Variants in PXK observed in about 807,000 individuals in gnomAD.
PXK encodes PX domain containing serine/threonine kinase like.
In PXK, 35 loss-of-function variants were observed where a neutral mutation model predicts 84.7. The observed-to-expected ratio is 0.41, with a 90% CI of 0.32 to 0.55. The LOEUF (loss-of-function observed/expected upper bound fraction) is 0.55. Among genes scored for constraint, PXK ranks in the 20% least tolerant of loss-of-function variants. The pLI is 0.21. For missense variants in PXK, 634 were observed against 699.7 expected (o/e 0.91, Z 1.06); for synonymous variants, 253 against 260.8 (o/e 0.97, Z 0.29).
intron 13 of PXK, 39 bp downstream of exon 13, chr3:58,403,949 C>G: frequency 1.5e-6 from 2 of 1,356,000 alleles, no homozygotes; most frequent in South Asian, 1.8e-5. Flanking sequence ...TGTGACATAA[C>G]TAAGTTGACT....
At position 58,365,906 on chromosome 3, in the gene PXK, T is replaced by C; in HGVS notation, c.135T>C (p.Ser45=). The C allele has an allele frequency of 6.3e-7, 1 of 1,584,642 alleles. No homozygotes were observed. The highest frequency in any genetic ancestry group is 8.6e-7 in the Non-Finnish European group (1 of 1,169,170). ...TTATTCGAGTGCAAAGAGGAATTTCTGTGGAAAACAGCTGGCAGGTAAGCA... is the reference window on the plus strand; with the variant it reads ...TTATTCGAGTGCAAAGAGGAATTTCCGTGGAAAACAGCTGGCAGGTAAGCA... ...EYIIRVQRGI[S]VENSWQIVRR... Residue 45 remains serine (S), a synonymous_variant, in exon 2 of 18, where the codon TCT becomes TCC. Transcript: ENST00000356151.
chr3:58,343,630 C>T (rs189525151), intron 1 of PXK, among the ~76,000 whole-genome samples: 32 of 152,324 alleles, frequency 2.1e-4, no homozygotes, highest in African/African-American at 7.2e-4. Flanking sequence ...TGGTAAGGGG[C>T]GCAGGCAGCT....
rs1178738206 is a variant in PXK, at chr3:58,410,178, T to C, written c.1465+19T>C. 3 of 1,537,102 alleles carry C rather than the reference T, an allele frequency of 2.0e-6. No individual in the cohort carries two copies. Among genetic ancestry groups the C allele is most frequent in the African/African-American group, 1.4e-5 (1 of 73,406 alleles). ...AATTCAGGTAACTGGTTATAGATGGTAGTGGGGCCCAGGACACAGAGATCA... is the reference window on the plus strand; with the variant it reads ...AATTCAGGTAACTGGTTATAGATGGCAGTGGGGCCCAGGACACAGAGATCA... On this transcript the variant is annotated intron_variant, in intron 16 of 17. Transcript: ENST00000356151.
intron 3 of PXK, among the ~76,000 whole-genome samples, chr3:58,377,091 G>T (rs2098449588): frequency 6.6e-6 from 1 of 152,192 alleles, no homozygotes; most frequent in Admixed American, 6.5e-5. Flanking sequence ...CTGTATAAAT[G>T]AGGCAAATGA....
chr3:58,336,038 CATATATATATATAT>C (rs1168755178), intron 1 of PXK, among the ~76,000 whole-genome samples: 18 of 43,160 alleles, frequency 4.2e-4, no homozygotes, highest in Admixed American at 7.4e-4. Flanking sequence ...CCTTGGGAAA[CATATATATATATAT>C]ATATATATAT....
Position 58,421,667 on chromosome 3 carries a change from A to C in PXK, c.1529-3085A>C, listed in dbSNP as rs968598426. Reference sequence around the variant, plus strand: ...TTTCTGGCCTGGCATTCCTCCCTAGATCTGACCTACGCTCTCCCTGCAGCA... The same window carrying C: ...TTTCTGGCCTGGCATTCCTCCCTAGCTCTGACCTACGCTCTCCCTGCAGCA... On this transcript the variant is annotated intron_variant, in intron 17 of 17. Coordinates refer to ENST00000356151, the MANE Select transcript of PXK (RefSeq NM_017771.5). This position sits in a 1 kb window ranked among gnomAD's most constrained non-coding sequence, Gnocchi z 5.5. The C allele has an allele frequency of 1.0e-6, 1 of 988,046 alleles. No individual in the cohort carries two copies. Among genetic ancestry groups the C allele is most frequent in the African/African-American group, 1.7e-5 (1 of 57,286 alleles). 61.2% of individuals were successfully genotyped at this position (988,046 alleles called of 1,614,324 possible).
rs2062721839 is a variant in PXK, at chr3:58,425,692, CTCA to C, written c.*733_*735del. 2 of 152,080 alleles carry C rather than the reference CTCA, an allele frequency of 1.3e-5. No homozygotes were observed. Among genetic ancestry groups the C allele is most frequent in the Admixed American group, 6.5e-5 (1 of 15,272 alleles). The allele number at this position is 152,080 out of a possible 1,614,324, so 9.4% of individuals were successfully genotyped here. On this transcript the variant is annotated 3_prime_UTR_variant, in exon 18 of 18. Transcript: ENST00000356151. ...TGCCAATTAGAGGATCTTCTTAATC[CTCA>C]GCAATTAAGTTTGGGGTTTGAGGGG... is the stretch of plus-strand genomic sequence containing the variant.
At chr3:58,345,789 T>C (rs2097803653) in intron 1 of PXK, among the ~76,000 whole-genome samples, 1 of 152,240 alleles carries the variant, frequency 6.6e-6, no homozygotes, top group Non-Finnish European at 1.5e-5. Context: ...GTTATTGTTT[T>C]ATCGATATTT....
At chr3:58,358,496 A>C (rs2098128134) in intron 1 of PXK, among the ~76,000 whole-genome samples, 2 of 152,314 alleles carry the variant, frequency 1.3e-5, no homozygotes, top group South Asian at 4.1e-4. Context: ...GGTCCAGGGC[A>C]GGTGACAGCA....
chr3:58,395,106 C>T lies in PXK; in HGVS notation c.720+4C>T. On this transcript the variant is annotated splice_donor_region_variant and intron_variant, in intron 8 of 17. Coordinates refer to ENST00000356151, the MANE Select transcript of PXK (RefSeq NM_017771.5). ...ATTGAAGGATCTGATCTACAAGGTA[C>T]CTGTGCAAGTTCATGGTCATAAGGA... The T allele has an allele frequency of 1.3e-6, 2 of 1,592,998 alleles. No individual in the cohort carries two copies. Among genetic ancestry groups the T allele is most frequent in the South Asian group, 1.1e-5 (1 of 90,528 alleles).
At chr3:58,335,552 G>T (rs2097578041) in intron 1 of PXK, among the ~76,000 whole-genome samples, 1 of 151,966 alleles carries the variant, frequency 6.6e-6, no homozygotes, top group African/African-American at 2.4e-5. Context: ...TTTTCTTGGG[G>T]AGATTGAAGT....
rs778823271 is a variant in PXK at position 58,410,116 on chromosome 3, T to C, written c.1422T>C (p.Asn474=). 12 of 1,601,524 alleles carry C rather than the reference T, an allele frequency of 7.5e-6. No homozygotes were observed. In the East Asian group the frequency reaches 2.5e-4, roughly 33 times the overall value. ...AGTCAAAACGATCTGCTCTTGAAAA[T>C]AGTGAAGAGCATTCAGCGAAGTACA... The part of the protein sequence containing the change: ...RKKSKRSALE[N]SEEHSAKYSN... Residue 474 remains asparagine (N), a synonymous_variant, in exon 16 of 18, where the codon AAT becomes AAC. Transcript: ENST00000356151.
At chr3:58,354,678 G>T (rs2098028570) in intron 1 of PXK, among the ~76,000 whole-genome samples, 1 of 151,950 alleles carries the variant, frequency 6.6e-6, no homozygotes, top group Non-Finnish European at 1.5e-5. Context: ...TCGAACTCCT[G>T]ACCTTGTGAA....
intron 1 of PXK, among the ~76,000 whole-genome samples, chr3:58,352,851 G>C (rs371366940): frequency 6.6e-6 from 1 of 152,184 alleles, no homozygotes; most frequent in Non-Finnish European, 1.5e-5. Context: ...ATCCCACAGC[G>C]GAGAGTGTAG....
intron 9 of PXK, among the ~76,000 whole-genome samples, chr3:58,396,616 A>G (rs1055332433): frequency 1.3e-5 from 2 of 152,238 alleles, no homozygotes; most frequent in African/African-American, 2.4e-5. Flanking sequence ...TGAACTAGAG[A>G]TGTTTTCTAG....
chr3:58,382,270 C>A (rs1018986603), intron 3 of PXK, among the ~76,000 whole-genome samples: 2 of 152,084 alleles, frequency 1.3e-5, no homozygotes, highest in Non-Finnish European at 2.9e-5. Flanking sequence ...GAGCCAAAAT[C>A]GCACCACTGC....
At position 58,399,116 on chromosome 3, in the gene PXK, G is replaced by A. The variant is rs1330858703; in HGVS notation, c.1103-183G>A. ...CTAAACCATTTCTTTTGAGTCATCG[G>A]TAACGCCAGTGTTGCCAGCATTCCC... On this transcript the variant is annotated intron_variant, in intron 11 of 17. Coordinates refer to ENST00000356151, the MANE Select transcript of PXK (RefSeq NM_017771.5). This position sits in a 1 kb window ranked among gnomAD's most constrained non-coding sequence, Gnocchi z 4.3. 6.6e-6 allele frequency among the ~76,000 whole-genome samples: 1 copy of A among 152,126 alleles called. No individual in the cohort carries two copies. The highest frequency in any genetic ancestry group is 1.5e-5 in the Non-Finnish European group (1 of 68,030).
Position 58,333,389 on chromosome 3 carries a change from C to CGGGGGA in PXK, c.102+299_102+300insGGGGGA. 1 of 287,732 alleles carries CGGGGGA rather than the reference C, an allele frequency of 3.5e-6. No homozygotes were observed. The highest frequency in any genetic ancestry group is 2.2e-5 in the African/African-American group (1 of 45,846). The allele number at this position is 287,732 out of a possible 1,614,324, so 17.8% of individuals were successfully genotyped here. Reference sequence around the variant, plus strand: ...CCGAGTTGGGGGGCGGGGGCGGGGGCTGCGGGATTCCCGGGCTCACCTTGG... The same window carrying CGGGGGA: ...CCGAGTTGGGGGGCGGGGGCGGGGGCGGGGGATGCGGGATTCCCGGGCTCACCTTGG... On this transcript the variant is annotated intron_variant, in intron 1 of 17. Transcript: ENST00000356151. The surrounding 1 kb of genome is among the most constrained non-coding windows in gnomAD (Gnocchi z 5.4).
At chr3:58,363,408 A>G (rs1403233813) in intron 1 of PXK, among the ~76,000 whole-genome samples, 1 of 152,182 alleles carries the variant, frequency 6.6e-6, no homozygotes, top group Non-Finnish European at 1.5e-5. Context: ...GGCTCACGGC[A>G]GTCATGACCT....
Sources: gnomAD v4.1 joint callset for allele counts (sites outside exome capture counted in the v4.1 genomes callset) on GRCh38, gnomAD v4.1.1 for gene constraint, Gnocchi (gnomAD v3.1) non-coding constraint, MANE v1.5 for transcripts, NCBI Gene and HGNC (gene_info 2026-07-23, HGNC 2026-07-21) for gene names.